Variants in TSPAN5 observed in about 807,000 individuals in gnomAD.
The protein encoded by TSPAN5 is tetraspanin-5.
TSPAN5 carries 10 observed loss-of-function variants against 37.1 expected under a neutral mutation model. The observed-to-expected ratio is 0.27, with a 90% CI of 0.17 to 0.46. The LOEUF is 0.46. Among genes scored for constraint, TSPAN5 ranks in the 20% least tolerant of loss-of-function variants. The pLI, the probability that TSPAN5 is intolerant of heterozygous loss-of-function variation, is 1.00. For synonymous variants in TSPAN5, 110 were observed against 118.9 expected, an observed-to-expected ratio of 0.93 and a Z score of 0.48; for missense variants, 195 against 326.6, an observed-to-expected ratio of 0.60 and a Z score of 3.11.
rs568602187 is a variant in TSPAN5, at chr4:98,626,304, G to T, written c.81+31842C>A. 1.2e-4 allele frequency among the ~76,000 whole-genome samples: 18 copies of T among 152,164 alleles called. No homozygotes were observed. The East Asian group carries it at 1.7e-3, about 15-fold the overall frequency. On this transcript the variant is annotated intron_variant, in intron 1 of 7. Coordinates refer to ENST00000305798, the MANE Select transcript of TSPAN5 (RefSeq NM_005723.4). ...TAATAGGACAAACAGATACACAAAG[G>T]GCTTATCATAACCTCCCATAATTGA...
chr4:98,472,234 C>T lies in TSPAN5; in HGVS notation c.*288G>A, dbSNP rs114954988. The T allele has an allele frequency of 2.0e-3, 620 of 316,042 alleles. 4 individuals carry two copies. The highest frequency in any genetic ancestry group is 0.012 in the African/African-American group (553 of 46,404). 19.6% of individuals were successfully genotyped at this position (316,042 alleles called of 1,614,324 possible). On this transcript the variant is annotated 3_prime_UTR_variant, in exon 8 of 8. Transcript: ENST00000305798. ...TCTGCACATTCAAGTACATCTGGGT[C>T]CCCTACCCTCCCTTTTTTTCTTTTT...
intron 1 of TSPAN5, among the ~76,000 whole-genome samples, chr4:98,563,989 T>TAA (rs1256038318): frequency 6.6e-6 from 1 of 152,192 alleles, no homozygotes; most frequent in Admixed American, 6.5e-5. Flanking sequence ...TGCTAAATCA[T>TAA]AAGCTCCTTG....
intron 2 of TSPAN5, among the ~76,000 whole-genome samples, chr4:98,498,525 G>A (rs537699075): frequency 9.9e-5 from 15 of 152,270 alleles, no homozygotes; most frequent in South Asian, 4.1e-4. Context: ...CACCACCGCC[G>A]ACAAAGGACA....
At chr4:98,546,001 AT>A (rs1270808645) in intron 1 of TSPAN5, among the ~76,000 whole-genome samples, 23 of 135,944 alleles carry the variant, frequency 1.7e-4, no homozygotes, top group African/African-American at 5.6e-4. Context: ...TTTGCTATTA[AT>A]ATTAATTCTG....
At chr4:98,520,883 A>G (rs993899201) in intron 1 of TSPAN5, among the ~76,000 whole-genome samples, 1 of 127,692 alleles carries the variant, frequency 7.8e-6, no homozygotes, top group Non-Finnish European at 1.6e-5. Context: ...TCTGGTGCCT[A>G]TTTCCAGAAG....
chr4:98,486,637 G>T, intron 3 of TSPAN5, 101 bp downstream of exon 3: 1 of 1,394,964 alleles, frequency 7.2e-7, no homozygotes, highest in Non-Finnish European at 1.0e-6. Context: ...TTTGGCCAGT[G>T]CCTTTGGTAC....
rs369433885 is a variant in TSPAN5, at chr4:98,544,050, C to T, written c.82-36322G>A. Among the ~76,000 whole-genome samples, 74 of 152,086 alleles carry T rather than the reference C, an allele frequency of 4.9e-4. 3 individuals carry two copies. The South Asian group carries it at 0.015, about 30-fold the overall frequency. ...TAAAAATTAGCCAAGTGTGGTAGTG[C>T]ACGCCTGTAGTCCTAGCTACTCGGG... On this transcript the variant is annotated intron_variant, in intron 1 of 7. Coordinates refer to ENST00000305798, the MANE Select transcript of TSPAN5 (RefSeq NM_005723.4).
intron 1 of TSPAN5, among the ~76,000 whole-genome samples, chr4:98,544,013 A>C (rs1243186774): frequency 6.6e-6 from 1 of 151,962 alleles, no homozygotes; most frequent in Non-Finnish European, 1.5e-5. Context: ...TCTTGTCTCT[A>C]CAAGAAATTT....
intron 1 of TSPAN5, among the ~76,000 whole-genome samples, chr4:98,511,435 T>C (rs1206929170): frequency 2.6e-5 from 4 of 152,200 alleles, no homozygotes; most frequent in Non-Finnish European, 5.9e-5. Flanking sequence ...CATGTCACTG[T>C]ACTGAATACT....
Position 98,472,406 on chromosome 4 carries a change from G to T in TSPAN5, c.*116C>A. 1.2e-6 allele frequency: 1 copy of T among 810,214 alleles called. No individual in the cohort carries two copies. The highest frequency in any genetic ancestry group is 2.0e-6 in the Non-Finnish European group (1 of 506,544). The allele number at this position is 810,214 out of a possible 1,614,324, so 50.2% of individuals were successfully genotyped here. ...TCCCCTAATGGCAGCTCCATTAGGC[G>T]AGACTGCAGGCTGCATCTGTGATTA... On this transcript the variant is annotated 3_prime_UTR_variant, in exon 8 of 8. Coordinates refer to ENST00000305798, the MANE Select transcript of TSPAN5 (RefSeq NM_005723.4).
At chr4:98,598,297 G>C (rs1188562430) in intron 1 of TSPAN5, among the ~76,000 whole-genome samples, 2 of 140,358 alleles carry the variant, frequency 1.4e-5, no homozygotes, top group Non-Finnish European at 3.1e-5. Flanking sequence ...GCTTCGGCTC[G>C]CGCACGGTGC....
chr4:98,637,016 C>G (rs1228182121), intron 1 of TSPAN5, among the ~76,000 whole-genome samples: 3 of 152,116 alleles, frequency 2.0e-5, no homozygotes, highest in Non-Finnish European at 4.4e-5. Context: ...GCTTAGGAAC[C>G]CTCCCCCTTG....
At position 98,608,358 on chromosome 4, in the gene TSPAN5, G is replaced by A. The variant is rs542162340; in HGVS notation, c.81+49788C>T. 1.1e-4 allele frequency among the ~76,000 whole-genome samples: 16 copies of A among 152,236 alleles called. No individual in the cohort carries two copies. In the South Asian group the frequency reaches 1.2e-3, roughly 12 times the overall value. ...ACAATGTTTGACATATACTTTCCAG[G>A]CATTCACAGACCCCTGGCCCCATCT... On this transcript the variant is annotated intron_variant, in intron 1 of 7. Transcript: ENST00000305798.
intron 2 of TSPAN5, among the ~76,000 whole-genome samples, chr4:98,490,717 T>C (rs994696184): frequency 1.3e-5 from 2 of 152,232 alleles, no homozygotes; most frequent in Non-Finnish European, 2.9e-5. Context: ...ATCCTTTATC[T>C]ACTTATTTAA....
At chr4:98,526,589 A>C (rs918714005) in intron 1 of TSPAN5, among the ~76,000 whole-genome samples, 1 of 152,174 alleles carries the variant, frequency 6.6e-6, no homozygotes, top group Non-Finnish European at 1.5e-5. Flanking sequence ...TGAATCAATA[A>C]TGAACCTAAA....
intron 1 of TSPAN5, among the ~76,000 whole-genome samples, chr4:98,654,194 A>G (rs776591857): frequency 7.9e-5 from 12 of 152,230 alleles, no homozygotes; most frequent in Non-Finnish European, 1.5e-4. Context: ...TGAGACCCCA[A>G]GTGAGAACTG....
intron 2 of TSPAN5, among the ~76,000 whole-genome samples, chr4:98,488,019 A>G (rs2110265932): frequency 6.6e-6 from 1 of 152,342 alleles, no homozygotes; most frequent in Admixed American, 6.5e-5. Flanking sequence ...GAATCACAGT[A>G]TAGTTTGCTG....
intron 1 of TSPAN5, among the ~76,000 whole-genome samples, chr4:98,604,534 C>T (rs1038176570): frequency 3.9e-5 from 6 of 152,260 alleles, no homozygotes; most frequent in Non-Finnish European, 8.8e-5. Context: ...GAACAAGGCA[C>T]GCAAAGACTA....
At chr4:98,603,484 T>C (rs974957173) in intron 1 of TSPAN5, among the ~76,000 whole-genome samples, 2 of 152,228 alleles carry the variant, frequency 1.3e-5, no homozygotes, top group Admixed American at 1.3e-4. Flanking sequence ...CATGATTAGT[T>C]GGCCAGCTCA....
Sources: allele counts gnomAD v4.1 joint callset (sites outside exome capture counted in the v4.1 genomes callset), GRCh38; gene constraint gnomAD v4.1.1; transcripts MANE v1.5; gene names NCBI Gene and HGNC (gene_info 2026-07-23, HGNC 2026-07-21).